The following STK3 variants were observed in gnomAD, a reference collection of about 807,000 sequenced individuals.
STK3 encodes serine/threonine-protein kinase 3.
In STK3, 41 loss-of-function variants were observed where a neutral mutation model predicts 58.0. The ratio of observed to expected loss-of-function variants is 0.71; its 90% CI spans 0.55 to 0.92. STK3 has a LOEUF of 0.92. Ranked by LOEUF, STK3 falls within the 40% of genes least tolerant of loss-of-function variation. STK3 has a pLI of 0.00. For synonymous variants in STK3, 170 were observed against 191.0 expected (o/e 0.89, Z 0.91); for missense variants, 479 against 602.7 (o/e 0.79, Z 2.15).
intron 1 of STK3, among the ~76,000 whole-genome samples, chr8:98,783,389 C>G (rs1418816331): frequency 6.6e-6 from 1 of 152,078 alleles, no homozygotes; most frequent in Non-Finnish European, 1.5e-5. Flanking sequence ...ATCTCATGTA[C>G]CCAATATATA....
chr8:98,564,850 G>A (rs1192020312), intron 8 of STK3, among the ~76,000 whole-genome samples: 1 of 151,920 alleles, frequency 6.6e-6, no homozygotes, highest in Non-Finnish European at 1.5e-5. Context: ...AGAACATTAG[G>A]TAAAAACTAA....
rs1022004541 is a variant in STK3 at position 98,832,605 on chromosome 8, A to G, written c.110+51042T>C. The stretch of plus-strand genomic sequence containing the variant: ...GAAAGAAAGTCTAAAGGCAATTAGC[A>G]AGGGAAGAAGTATAATGAGGTATGT... On this transcript the variant is annotated intron_variant, in intron 3 of 12. Transcript: ENST00000523601. Among the ~76,000 whole-genome samples the G allele has an allele frequency of 5.9e-5, 9 of 152,184 alleles. 1 individual carries two copies. The highest frequency in any genetic ancestry group is 5.2e-4 in the Admixed American group (8 of 15,270).
chr8:98,765,731 G>A (rs1830905279), intron 3 of STK3, among the ~76,000 whole-genome samples: 1 of 152,202 alleles, frequency 6.6e-6, no homozygotes, highest in Admixed American at 6.5e-5. Context: ...GAGAGTACAA[G>A]AAAAGAAGAC....
chr8:98,613,688 CCATAA>C (rs560363012), intron 6 of STK3, among the ~76,000 whole-genome samples: 168 of 151,630 alleles, frequency 1.1e-3, no homozygotes, highest in Admixed American at 2.2e-3. Flanking sequence ...AAAACTTTAG[CCATAA>C]CATATTAATA....
Position 98,503,933 on chromosome 8 carries a change from C to G in STK3, c.1317+22809G>C, listed in dbSNP as rs192290549. 1.2e-3 allele frequency among the ~76,000 whole-genome samples: 184 copies of G among 152,254 alleles called. 1 individual carries two copies. The highest frequency in any genetic ancestry group is 1.3e-3 in the Non-Finnish European group (86 of 68,026). ...TCTATTAGGTCTGCTTGGTGCAGAGCTGAGTTCAAGTCCTGGATATCCTGT... is the reference window on the plus strand; with the variant it reads ...TCTATTAGGTCTGCTTGGTGCAGAGGTGAGTTCAAGTCCTGGATATCCTGT... On this transcript the variant is annotated intron_variant, in intron 10 of 10. Coordinates refer to ENST00000419617, the MANE Select transcript of STK3 (RefSeq NM_006281.4).
intron 10 of STK3, among the ~76,000 whole-genome samples, chr8:98,459,599 C>A (rs1394571292): frequency 2.6e-5 from 4 of 152,258 alleles, no homozygotes; most frequent in Admixed American, 6.5e-5. Flanking sequence ...AGCCCCATTT[C>A]ATCACAGGCA....
intron 6 of STK3, chr8:98,597,522 T>G: frequency 1.0e-6 from 1 of 985,398 alleles, no homozygotes; most frequent in Non-Finnish European, 1.2e-6. Flanking sequence ...TTCTGTGTGT[T>G]CAGAACAATG....
At chr8:98,720,716 A>C (rs1403141808) in intron 4 of STK3, among the ~76,000 whole-genome samples, 1 of 143,398 alleles carries the variant, frequency 7.0e-6, no homozygotes, top group Non-Finnish European at 1.5e-5. Flanking sequence ...ACACCACTGC[A>C]CTCCAGCCTG....
At chr8:98,867,774 T>TA in intron 3 of STK3, among the ~76,000 whole-genome samples, 1 of 152,310 alleles carries the variant, frequency 6.6e-6, no homozygotes, top group East Asian at 1.9e-4. Context: ...ATGGAGATAA[T>TA]AACAGTACAT....
rs903075253 is a variant in STK3, at chr8:98,924,453, T to C, written c.-79+17925A>G. ...TTTATTTCTATGGGCTCCTTCTTCT[T>C]CTTTATGCATACTTTCCCTCTTTCA... On this transcript the variant is annotated intron_variant, in intron 1 of 1. Transcript: ENST00000519420. Among the ~76,000 whole-genome samples, 8 of 152,194 alleles carry C rather than the reference T, an allele frequency of 5.3e-5. No homozygotes were observed. In the East Asian group the frequency reaches 1.5e-3, roughly 29 times the overall value.
chr8:98,447,650 TC>T lies in STK3; in HGVS notation n.186-10443del, dbSNP rs1282708148. Among the ~76,000 whole-genome samples the T allele has an allele frequency of 1.1e-4, 14 of 126,214 alleles. No homozygotes were observed. In the East Asian group the frequency reaches 2.8e-3, roughly 26 times the overall value. The allele number at this position is 126,214 out of a possible 152,430, so 82.8% of individuals were successfully genotyped here. Reference sequence around the variant, plus strand: ...ATATATTGCAATACTATATATAGTATCTGTATATTGCAATACTATATATAGT... The same window carrying T: ...ATATATTGCAATACTATATATAGTATTGTATATTGCAATACTATATATAGT... On this transcript the variant is annotated intron_variant and non_coding_transcript_variant, in intron 1 of 3. Coordinates refer to the STK3 transcript ENST00000517832.
intron 6 of STK3, among the ~76,000 whole-genome samples, chr8:98,672,264 G>A (rs933165775): frequency 5.3e-5 from 8 of 151,668 alleles, no homozygotes; most frequent in Non-Finnish European, 2.9e-5. Context: ...GGGTGTGGGG[G>A]GTTAGGGGGT....
intron 1 of STK3, chr8:98,438,029 C>G (rs1818554747): frequency 6.6e-6 from 1 of 152,396 alleles, no homozygotes. Context: ...CCACCCTGTC[C>G]TTTCCTCTAC....
At chr8:98,712,721 TC>T (rs1826591355) in intron 4 of STK3, among the ~76,000 whole-genome samples, 1 of 152,072 alleles carries the variant, frequency 6.6e-6, no homozygotes, top group African/African-American at 2.4e-5. Context: ...ATTAGACAGA[TC>T]AACAAGACAG....
intron 10 of STK3, among the ~76,000 whole-genome samples, chr8:98,489,832 CT>C (rs948154224): frequency 6.6e-6 from 1 of 151,808 alleles, no homozygotes; most frequent in Non-Finnish European, 1.5e-5. Flanking sequence ...CACATTATTT[CT>C]TTTTTTTACA....
chr8:98,904,615 G>T, intron 1 of STK3: 2 of 596,520 alleles, frequency 3.4e-6, no homozygotes, highest in South Asian at 1.4e-5. Context: ...CTGAGTACCA[G>T]GCTCGGTCCA....
At chr8:98,484,943 T>C (rs376038858) in intron 10 of STK3, among the ~76,000 whole-genome samples, 2 of 152,256 alleles carry the variant, frequency 1.3e-5, no homozygotes, top group African/African-American at 4.8e-5. Flanking sequence ...TTGATTTATC[T>C]AGAAGAATTT....
At chr8:98,531,424 G>T (rs1343846638) in intron 9 of STK3, among the ~76,000 whole-genome samples, 2 of 152,134 alleles carry the variant, frequency 1.3e-5, no homozygotes, top group East Asian at 3.9e-4. Flanking sequence ...TCAGCAGTAG[G>T]TCTCAACAGT....
chr8:98,896,672 C>T (rs1240617516), intron 1 of STK3, among the ~76,000 whole-genome samples: 2 of 152,208 alleles, frequency 1.3e-5, no homozygotes, highest in African/African-American at 4.8e-5. Flanking sequence ...TTTGCCTAGG[C>T]TATTACTTGC....
Sources: gnomAD v4.1 joint callset for allele counts (sites outside exome capture counted in the v4.1 genomes callset) on GRCh38, gnomAD v4.1.1 for gene constraint, MANE v1.5 for transcripts, NCBI Gene and HGNC (gene_info 2026-07-23, HGNC 2026-07-21) for gene names.